CSMD1: variants seen among roughly 807,000 people sequenced by gnomAD.
CSMD1 encodes CUB and Sushi multiple domains 1.
A neutral mutation model predicts 417.5 loss-of-function variants in CSMD1; 213 were observed. The ratio of observed to expected loss-of-function variants is 0.51; its 90% CI spans 0.46 to 0.57. CSMD1 has a LOEUF of 0.57. Among genes scored for constraint, CSMD1 ranks in the 20% least tolerant of loss-of-function variants. The pLI is 0.00. For missense variants in CSMD1, 6,923 were observed against 4,529.7 expected (o/e 1.53, Z -15.17); for synonymous variants, 2,862 against 1,736.8 (o/e 1.65, Z -16.11).
At chr8:4,532,751 C>T (rs1051473867) in intron 2 of CSMD1, among the ~76,000 whole-genome samples, 3 of 149,510 alleles carry the variant, frequency 2.0e-5, no homozygotes, top group East Asian at 2.0e-4. Flanking sequence ...AAATCCTGCA[C>T]CCCCATTCAG....
intron 19 of CSMD1, among the ~76,000 whole-genome samples, chr8:3,368,272 T>G (rs567448795): frequency 6.6e-6 from 1 of 152,318 alleles, no homozygotes; most frequent in Non-Finnish European, 1.5e-5. Flanking sequence ...TTAAGTCGGG[T>G]TCAAATCTAT....
In CSMD1 at chr8:3,540,887, C is replaced by T. The variant is rs575551800; in HGVS notation, c.1344+34058G>A. ...TAAAAAGTCAAGAAACAACAGATGC[C>T]GGCGAGGCTGTGGAGAAACAGAAAC... On this transcript the variant is annotated intron_variant, in intron 10 of 69. Coordinates refer to ENST00000635120, the MANE Select transcript of CSMD1 (RefSeq NM_033225.6). Among the ~76,000 whole-genome samples, 423 of 152,200 alleles carry T rather than the reference C, an allele frequency of 2.8e-3. 2 individuals are homozygous for T. The highest frequency in any genetic ancestry group is 9.3e-3 in the Admixed American group (142 of 15,298).
intron 1 of CSMD1, among the ~76,000 whole-genome samples, chr8:4,962,275 G>C (rs1013955976): frequency 6.6e-6 from 1 of 151,758 alleles, no homozygotes. Context: ...CAGTGTCACA[G>C]TCATAGCTTA....
intron 41 of CSMD1, among the ~76,000 whole-genome samples, chr8:3,119,492 T>G (rs1385119810): frequency 6.6e-6 from 1 of 151,932 alleles, no homozygotes; most frequent in Non-Finnish European, 1.5e-5. Flanking sequence ...TCATTCAGTC[T>G]TTATGTTCCC....
At chr8:4,452,791 G>A (rs1002827573) in intron 2 of CSMD1, among the ~76,000 whole-genome samples, 3 of 151,882 alleles carry the variant, frequency 2.0e-5, no homozygotes, top group Non-Finnish European at 4.4e-5. Context: ...AAGTTTATTG[G>A]ATTAATAACA....
chr8:3,503,473 G>C (rs571408985), intron 10 of CSMD1, among the ~76,000 whole-genome samples: 2 of 152,342 alleles, frequency 1.3e-5, no homozygotes, highest in South Asian at 4.1e-4. Flanking sequence ...AGCAGTCTTG[G>C]GACGGCGGCA....
chr8:4,545,097 T>G (rs1797572652), intron 2 of CSMD1, among the ~76,000 whole-genome samples: 3 of 152,228 alleles, frequency 2.0e-5, no homozygotes, highest in African/African-American at 7.2e-5. Context: ...AAAAGGCATG[T>G]TAAGAGGGGA....
In CSMD1 at chr8:4,071,451, A is replaced by G. The variant is rs888109148; in HGVS notation, c.416-39352T>C. The stretch of plus-strand genomic sequence containing the variant: ...ATTATTCATTTGATTTTCATTTTAT[A>G]ACGCCTATTTTTTTCCTGATATTTC... On this transcript the variant is annotated intron_variant, in intron 3 of 69. Transcript: ENST00000635120. 5.3e-5 allele frequency among the ~76,000 whole-genome samples: 8 copies of G among 152,132 alleles called. 1 individual carries two copies. Among genetic ancestry groups the G allele is most frequent in the Admixed American group, 1.3e-4 (2 of 15,274 alleles).
intron 3 of CSMD1, among the ~76,000 whole-genome samples, chr8:4,235,907 G>T (rs1802019579): frequency 6.6e-6 from 1 of 152,250 alleles, no homozygotes; most frequent in African/African-American, 2.4e-5. Context: ...TAGCTGAGCC[G>T]CAGCTTCCGC....
At chr8:3,213,712 T>C (rs1797736452) in intron 30 of CSMD1, among the ~76,000 whole-genome samples, 1 of 150,868 alleles carries the variant, frequency 6.6e-6, no homozygotes, top group South Asian at 2.1e-4. Flanking sequence ...AAAATATATG[T>C]ACATTAAAAT....
intron 10 of CSMD1, among the ~76,000 whole-genome samples, chr8:3,508,150 C>T (rs182997540): frequency 5.3e-5 from 8 of 152,286 alleles, no homozygotes; most frequent in African/African-American, 1.9e-4. Flanking sequence ...CACATGTTCT[C>T]ACTCATAGGT....
intron 7 of CSMD1, among the ~76,000 whole-genome samples, chr8:3,649,849 T>G (rs1797758450): frequency 6.6e-6 from 1 of 152,212 alleles, no homozygotes; most frequent in South Asian, 2.1e-4. Context: ...TTGCTAGATG[T>G]TTTCTCAATG....
intron 41 of CSMD1, among the ~76,000 whole-genome samples, chr8:3,130,092 T>C (rs1266702546): frequency 6.6e-6 from 1 of 152,162 alleles, no homozygotes; most frequent in Non-Finnish European, 1.5e-5. Flanking sequence ...TAATTGACAG[T>C]TAATGGTTTA....
chr8:3,888,946 TTTA>T (rs1214960900), intron 5 of CSMD1, among the ~76,000 whole-genome samples: 5 of 152,206 alleles, frequency 3.3e-5, no homozygotes, highest in Admixed American at 2.6e-4. Flanking sequence ...ATGTGAAGAT[TTTA>T]TTAATTGTAT....
intron 2 of CSMD1, among the ~76,000 whole-genome samples, chr8:4,432,331 A>G (rs965609991): frequency 6.6e-6 from 1 of 152,162 alleles, no homozygotes; most frequent in South Asian, 2.1e-4. Context: ...TAACTTACTC[A>G]AAGGACTGCT....
chr8:3,905,552 C>G (rs1288834315), intron 5 of CSMD1, among the ~76,000 whole-genome samples: 1 of 152,238 alleles, frequency 6.6e-6, no homozygotes, highest in Non-Finnish European at 1.5e-5. Flanking sequence ...TCCCATCTCA[C>G]TGGGAGGGCT....
At chr8:4,942,721 A>G (rs4538908) in intron 1 of CSMD1, among the ~76,000 whole-genome samples, 9 of 152,026 alleles carry the variant, frequency 5.9e-5, no homozygotes, top group African/African-American at 1.9e-4. Context: ...ATCAGTGGAG[A>G]ATCCAATACC....
At chr8:3,452,011 C>T (rs1307002829) in intron 12 of CSMD1, among the ~76,000 whole-genome samples, 1 of 152,178 alleles carries the variant, frequency 6.6e-6, no homozygotes, top group African/African-American at 2.4e-5. Flanking sequence ...GTTTGTAGTT[C>T]TCCTCGAAGA....
rs562337698 is a variant in CSMD1 at position 3,196,644 on chromosome 8, G to T, written c.5194+3070C>A. ...TTGATTATATCACAGCTGATGAAGT[G>T]GTTGCTGATTCAGAGGGGGGTGAAA... On this transcript the variant is annotated intron_variant, in intron 33 of 69. Transcript: ENST00000635120. Among the ~76,000 whole-genome samples, 32 of 152,242 alleles carry T rather than the reference G, an allele frequency of 2.1e-4. No homozygotes were observed. The South Asian group carries it at 6.6e-3, about 32-fold the overall frequency.
Sources: gnomAD v4.1 joint callset for allele counts (sites outside exome capture counted in the v4.1 genomes callset) on GRCh38, gnomAD v4.1.1 for gene constraint, MANE v1.5 for transcripts, NCBI Gene and HGNC (gene_info 2026-07-23, HGNC 2026-07-21) for gene names.